Variants in HEMK2 observed in about 807,000 individuals in gnomAD.
HEMK2 encodes methyltransferase HEMK2.
chr21:28,615,325 T>A, the HEMK2 span, among the ~76,000 whole-genome samples: 7 of 151,928 alleles, frequency 4.6e-5, no homozygotes, highest in African/African-American at 1.7e-4. Flanking sequence ...TCCTCCCTCC[T>A]TCCCCTTTTC....
At chr21:28,762,263 G>A in the HEMK2 span, among the ~76,000 whole-genome samples, 2 of 152,066 alleles carry the variant, frequency 1.3e-5, no homozygotes, top group East Asian at 3.9e-4. Flanking sequence ...TGCTATTCCT[G>A]TAATCCTTTA....
At chr21:28,721,785 G>C in the HEMK2 span, among the ~76,000 whole-genome samples, 1 of 151,852 alleles carries the variant, frequency 6.6e-6, no homozygotes, top group South Asian at 2.1e-4. Flanking sequence ...AGGGATAGAT[G>C]CTATTCATTT....
chr21:28,700,550 G>T, the HEMK2 span, among the ~76,000 whole-genome samples: 4 of 152,110 alleles, frequency 2.6e-5, no homozygotes, highest in African/African-American at 4.8e-5. Flanking sequence ...AAACCTAGAA[G>T]AAATGGATAA....
chr21:28,755,226 A>G, the HEMK2 span, among the ~76,000 whole-genome samples: 1 of 152,346 alleles, frequency 6.6e-6, no homozygotes, highest in African/African-American at 2.4e-5. Context: ...GACTCTAAAC[A>G]AAAGGAAGGG....
At chr21:28,808,362 C>A in the HEMK2 span, among the ~76,000 whole-genome samples, 5 of 151,102 alleles carry the variant, frequency 3.3e-5, no homozygotes, top group Non-Finnish European at 5.9e-5. Context: ...GTTCTAGATC[C>A]CTTGCATTTC....
the HEMK2 span, among the ~76,000 whole-genome samples, chr21:28,798,288 C>T: frequency 6.6e-6 from 1 of 152,116 alleles, no homozygotes; most frequent in African/African-American, 2.4e-5. Flanking sequence ...AAAAGATAAA[C>T]AGAACAGCAC....
the HEMK2 span, among the ~76,000 whole-genome samples, chr21:28,683,841 G>A: frequency 6.6e-6 from 1 of 152,172 alleles, no homozygotes; most frequent in African/African-American, 2.4e-5. Flanking sequence ...GTGAGCAATT[G>A]CACACAGACA....
At chr21:28,864,820 C>CAGAT in the HEMK2 span, among the ~76,000 whole-genome samples, 6,820 of 119,146 alleles carry the variant, frequency 0.057, 273 homozygotes, top group East Asian at 0.23. Flanking sequence ...GACAGACAGA[C>CAGAT]AGATAGATAG....
chr21:28,648,989 T>C, the HEMK2 span, among the ~76,000 whole-genome samples: 1 of 144,750 alleles, frequency 6.9e-6, no homozygotes, highest in Non-Finnish European at 1.5e-5. Context: ...CCTGTGTCCA[T>C]GTGTTCTCAT....
At chr21:28,750,020 C>T in the HEMK2 span, among the ~76,000 whole-genome samples, 190 of 152,320 alleles carry the variant, frequency 1.2e-3, 1 homozygote, top group African/African-American at 4.3e-3. Context: ...CAGGCCAATG[C>T]TTTTACAAGA....
chr21:28,652,068 A>C, the HEMK2 span, among the ~76,000 whole-genome samples: 3 of 152,200 alleles, frequency 2.0e-5, no homozygotes, highest in African/African-American at 7.2e-5. Flanking sequence ...ATGGAGGTAA[A>C]GTTTTTATTT....
the HEMK2 span, among the ~76,000 whole-genome samples, chr21:28,610,255 T>A: frequency 6.6e-6 from 1 of 152,188 alleles, no homozygotes; most frequent in Admixed American, 6.6e-5. Flanking sequence ...TATTTTTAGC[T>A]TCCTTAAACA....
At chr21:28,819,994 T>TTA in the HEMK2 span, among the ~76,000 whole-genome samples, 19 of 152,324 alleles carry the variant, frequency 1.2e-4, no homozygotes, top group African/African-American at 4.3e-4. Flanking sequence ...TGTCAATTTA[T>TTA]TAAGTGATAT....
chr21:28,849,576 T>C, the HEMK2 span, among the ~76,000 whole-genome samples: 33 of 152,050 alleles, frequency 2.2e-4, no homozygotes, highest in Non-Finnish European at 5.9e-5. Context: ...ACAAAGATCA[T>C]CGACATCCAA....
chr21:28,781,456 T>C, the HEMK2 span, among the ~76,000 whole-genome samples: 1 of 128,304 alleles, frequency 7.8e-6, no homozygotes, highest in Non-Finnish European at 1.6e-5. Flanking sequence ...CTCCCCAAGA[T>C]CACCCTCAGG....
At chr21:28,778,578 C>T in the HEMK2 span, among the ~76,000 whole-genome samples, 1 of 152,166 alleles carries the variant, frequency 6.6e-6, no homozygotes, top group Non-Finnish European at 1.5e-5. Flanking sequence ...TTCTCTGCAT[C>T]CTTGCCAGCA....
At chr21:28,737,569 A>G in the HEMK2 span, among the ~76,000 whole-genome samples, 1 of 151,386 alleles carries the variant, frequency 6.6e-6, no homozygotes, top group African/African-American at 2.4e-5. Flanking sequence ...GGGTTTTCAG[A>G]GCTTAATTAG....
chr21:28,759,738 T>C, the HEMK2 span, among the ~76,000 whole-genome samples: 1 of 152,168 alleles, frequency 6.6e-6, no homozygotes, highest in Non-Finnish European at 1.5e-5. Flanking sequence ...TCTGATGGTT[T>C]TGTAAGGGAT....
the HEMK2 span, among the ~76,000 whole-genome samples, chr21:28,687,311 C>T: frequency 1.3e-5 from 2 of 152,204 alleles, no homozygotes; most frequent in Admixed American, 1.3e-4. Flanking sequence ...GATTTTAGGG[C>T]ACCCACCTTG....
Sources: allele counts gnomAD v4.1 joint callset (sites outside exome capture counted in the v4.1 genomes callset), GRCh38; gene constraint gnomAD v4.1.1; transcripts MANE v1.5; gene names NCBI Gene and HGNC (gene_info 2026-07-23, HGNC 2026-07-21).